ROBO1: variants seen among roughly 807,000 people sequenced by gnomAD.
The protein encoded by ROBO1 is roundabout guidance receptor 1.
ROBO1 carries 149 observed loss-of-function variants against 195.9 expected under a neutral mutation model. The ratio of observed to expected loss-of-function variants is 0.76; its 90% CI spans 0.67 to 0.87. The LOEUF (loss-of-function observed/expected upper bound fraction) is 0.87, where lower values mean the gene tolerates loss of function less well. Among genes scored for constraint, ROBO1 ranks in the 40% least tolerant of loss-of-function variants. The probability of loss-of-function intolerance (pLI) is 0.00; values close to 1 mark genes in which losing one functional copy is unlikely to be tolerated. For missense variants in ROBO1, 1,933 were observed against 2,068.3 expected (o/e 0.93, Z 1.27); for synonymous variants, 816 against 733.2 (o/e 1.11, Z -1.82).
At chr3:79,172,991 A>C (rs998573910) in intron 2 of ROBO1, among the ~76,000 whole-genome samples, 1 of 152,158 alleles carries the variant, frequency 6.6e-6, no homozygotes, top group African/African-American at 2.4e-5. Context: ...TCAGTATTTC[A>C]GTTGTGTTCA....
intron 2 of ROBO1, among the ~76,000 whole-genome samples, chr3:79,467,444 C>A (rs1483003773): frequency 1.3e-5 from 2 of 151,372 alleles, no homozygotes; most frequent in Non-Finnish European, 2.9e-5. Flanking sequence ...ACATAAACCC[C>A]AAACACCAGG....
chr3:78,987,885 C>T (rs1048661397), intron 3 of ROBO1, among the ~76,000 whole-genome samples: 1 of 152,068 alleles, frequency 6.6e-6, no homozygotes, highest in East Asian at 1.9e-4. Context: ...TAAATACATA[C>T]ACCTACTATG....
chr3:79,598,618 A>G (rs558012039), intron 1 of ROBO1, among the ~76,000 whole-genome samples: 20 of 152,118 alleles, frequency 1.3e-4, no homozygotes, highest in East Asian at 3.9e-4. Context: ...TCACTCAAGG[A>G]AAGTCTGAGC....
chr3:78,685,324 T>C lies in ROBO1; in HGVS notation c.1342+422A>G, dbSNP rs189438408. On this transcript the variant is annotated intron_variant, in intron 10 of 30. Transcript: ENST00000464233. ...GGGGAGTTGACAGAATGAAATCACA[T>C]TGAAGAAAACTTGTTCATTATCATA... Among the ~76,000 whole-genome samples, 203 of 152,246 alleles carry C rather than the reference T, an allele frequency of 1.3e-3. 2 individuals carry two copies. The highest frequency in any genetic ancestry group is 0.012 in the Admixed American group (177 of 15,284).
intron 2 of ROBO1, among the ~76,000 whole-genome samples, chr3:79,524,038 A>G (rs1002938980): frequency 6.6e-6 from 1 of 152,104 alleles, no homozygotes; most frequent in East Asian, 1.9e-4. Context: ...ACTTGCATGA[A>G]AAAACATTTT....
Position 78,812,186 on chromosome 3 carries a change from A to T in ROBO1, c.500-65286T>A, listed in dbSNP as rs72894449. Among the ~76,000 whole-genome samples the T allele has an allele frequency of 1.3e-4, 20 of 152,168 alleles. No homozygotes were observed. In the East Asian group the frequency reaches 3.7e-3, roughly 28 times the overall value. On this transcript the variant is annotated intron_variant, in intron 4 of 30. Transcript: ENST00000464233. The stretch of plus-strand genomic sequence containing the variant: ...CGTCTCTGGCCTGAATCCTCCTACC[A>T]AATCATGTTTCTCTCACACTGTTCC...
At chr3:79,417,812 A>AT (rs34051691) in intron 2 of ROBO1, among the ~76,000 whole-genome samples, 1 of 152,114 alleles carries the variant, frequency 6.6e-6, no homozygotes, top group Admixed American at 6.6e-5. Context: ...TTAGAGAAGT[A>AT]TTTTTGTGTG....
At chr3:78,653,014 CT>C (rs1270398029) in intron 18 of ROBO1, among the ~76,000 whole-genome samples, 2 of 152,136 alleles carry the variant, frequency 1.3e-5, no homozygotes, top group Non-Finnish European at 2.9e-5. Flanking sequence ...CCCACCACAT[CT>C]GGTGAAACAA....
chr3:78,909,785 C>A (rs1314139454), intron 4 of ROBO1, among the ~76,000 whole-genome samples: 1 of 151,546 alleles, frequency 6.6e-6, no homozygotes, highest in African/African-American at 2.4e-5. Flanking sequence ...CTTTTTTTTA[C>A]ACCACCAGTG....
intron 12 of ROBO1, 80 bp downstream of exon 12, chr3:78,668,404 C>T (rs1707863962): frequency 6.3e-7 from 1 of 1,575,124 alleles, no homozygotes; most frequent in African/African-American, 1.3e-5. Context: ...GGGAAGAGGA[C>T]ATTTACTTCA....
chr3:79,296,217 T>C (rs1269594808), intron 2 of ROBO1, among the ~76,000 whole-genome samples: 1 of 152,126 alleles, frequency 6.6e-6, no homozygotes, highest in Non-Finnish European at 1.5e-5. Context: ...ATAAGACACA[T>C]GAATGCTAAC....
At chr3:79,124,014 G>C (rs2080168567) in intron 3 of ROBO1, among the ~76,000 whole-genome samples, 2 of 152,048 alleles carry the variant, frequency 1.3e-5, no homozygotes, top group African/African-American at 4.8e-5. Context: ...CAGTTGTTTA[G>C]ACTGGGTGAG....
chr3:79,212,997 A>G lies in ROBO1; in HGVS notation c.89-87458T>C, dbSNP rs374130478. On this transcript the variant is annotated intron_variant, in intron 2 of 30. Transcript: ENST00000464233. ...AAAGAAAAATTATTTTAAAATGTCT[A>G]TGACTTGGGAGGCTGAGGCAGGTGG... Among the ~76,000 whole-genome samples the G allele has an allele frequency of 2.3e-3, 342 of 151,812 alleles. 2 individuals are homozygous for G. The highest frequency in any genetic ancestry group is 7.2e-3 in the African/African-American group (300 of 41,464).
intron 2 of ROBO1, among the ~76,000 whole-genome samples, chr3:79,580,512 T>G (rs1943626908): frequency 6.6e-6 from 1 of 151,154 alleles, no homozygotes; most frequent in African/African-American, 2.5e-5. Flanking sequence ...CACAAACAAA[T>G]AAATAAATAA....
intron 2 of ROBO1, among the ~76,000 whole-genome samples, chr3:79,182,047 C>A (rs1407853560): frequency 1.3e-5 from 2 of 151,158 alleles, no homozygotes; most frequent in Non-Finnish European, 2.9e-5. Flanking sequence ...TGTATAATTT[C>A]TTCCTGTATG....
At chr3:78,603,180 T>G (rs1349425917) in intron 29 of ROBO1, among the ~76,000 whole-genome samples, 7 of 152,202 alleles carry the variant, frequency 4.6e-5, no homozygotes, top group African/African-American at 1.7e-4. Context: ...ATCTATAGGC[T>G]TTTTATGACT....
At position 79,521,875 on chromosome 3, in the gene ROBO1, ATC is replaced by A. The variant is rs139628244; in HGVS notation, c.88+67947_88+67948del. ...ATGCTACCTTGAATGTGCCTTGGAT[ATC>A]TGTGTCAGTAGAGAGAGGTGATGAC... On this transcript the variant is annotated intron_variant, in intron 2 of 30. Transcript: ENST00000464233. Among the ~76,000 whole-genome samples the A allele has an allele frequency of 2.6e-3, 394 of 152,204 alleles. 2 individuals carry two copies. Among genetic ancestry groups the A allele is most frequent in the African/African-American group, 9.2e-3 (381 of 41,524 alleles).
chr3:78,652,079 A>C, intron 18 of ROBO1, 150 bp from the exon 19 acceptor site: 1 of 621,710 alleles, frequency 1.6e-6, no homozygotes, highest in Non-Finnish European at 2.7e-6. Context: ...AAAATAGTTC[A>C]TACTGTTTTC....
intron 3 of ROBO1, among the ~76,000 whole-genome samples, chr3:79,035,729 TAA>T (rs778129211): frequency 1.8e-4 from 24 of 136,126 alleles, no homozygotes; most frequent in African/African-American, 2.4e-4. Flanking sequence ...AGACTTTATC[TAA>T]AAAAAAAAAA....
Sources: gnomAD v4.1 joint callset for allele counts (sites outside exome capture counted in the v4.1 genomes callset) on GRCh38, gnomAD v4.1.1 for gene constraint, MANE v1.5 for transcripts, NCBI Gene and HGNC (gene_info 2026-07-23, HGNC 2026-07-21) for gene names.